The following ST13 variants were observed in gnomAD, a reference collection of about 807,000 sequenced individuals.
ST13 encodes ST13 Hsp70 interacting protein.
Under a neutral mutation model 56.7 loss-of-function variants are expected in ST13, and 23 were observed. That is an observed-to-expected ratio of 0.41 (90% CI 0.29 to 0.57). The LOEUF is 0.57. Ranked by LOEUF, ST13 falls within the 20% of genes least tolerant of loss-of-function variation. The probability of loss-of-function intolerance (pLI) is 0.36; values close to 1 mark genes in which losing one functional copy is unlikely to be tolerated. For synonymous variants in ST13, 132 were observed against 142.4 expected (o/e 0.93, Z 0.52); for missense variants, 369 against 459.9 (o/e 0.80, Z 1.81).
chr22:40,846,983 A>T (rs1037669746), intron 3 of ST13, among the ~76,000 whole-genome samples: 5 of 152,280 alleles, frequency 3.3e-5, no homozygotes, highest in Admixed American at 6.5e-5. Context: ...TGGCAGAGCG[A>T]AACTCAAGTC....
chr22:40,835,386 TTC>T, intron 7 of ST13, 172 bp downstream of exon 7: 10 of 481,646 alleles, frequency 2.1e-5, no homozygotes, highest in Non-Finnish European at 3.8e-6. Context: ...TCTTTTTTTT[TTC>T]TTTTACCTTT....
chr22:40,849,805 T>C (rs1033426310), intron 2 of ST13, among the ~76,000 whole-genome samples: 6 of 151,730 alleles, frequency 4.0e-5, no homozygotes, highest in South Asian at 4.1e-4. Flanking sequence ...TCCTTCTTAA[T>C]AGACATAACT....
chr22:40,843,100 G>A (rs1446413873), intron 4 of ST13, among the ~76,000 whole-genome samples: 1 of 152,156 alleles, frequency 6.6e-6, no homozygotes, highest in African/African-American at 2.4e-5. Context: ...AGCCTGGATG[G>A]AAGAGTGAGA....
chr22:40,854,681 T>C (rs1025515344), intron 1 of ST13: 1 of 152,232 alleles, frequency 6.6e-6, no homozygotes, highest in Admixed American at 6.5e-5. Flanking sequence ...ATCCACTTAA[T>C]GTAAAGTGGA....
chr22:40,829,472 A>AT (rs2057743935), intron 10 of ST13, among the ~76,000 whole-genome samples, 154 bp downstream of exon 10: 1 of 152,222 alleles, frequency 6.6e-6, no homozygotes, highest in Non-Finnish European at 1.5e-5. Flanking sequence ...TTTTATGCCT[A>AT]ATAATTCCAT....
At chr22:40,832,522 G>A (rs778785948) in intron 8 of ST13, 47 bp downstream of exon 8, 14 of 1,371,340 alleles carry the variant, frequency 1.0e-5, no homozygotes, top group Admixed American at 5.1e-5. Context: ...GCACTACAGC[G>A]ATGGAGTATT....
intron 1 of ST13, 80 bp downstream of exon 1, chr22:40,856,351 G>A (rs1397618490): frequency 1.5e-6 from 2 of 1,294,852 alleles, no homozygotes; most frequent in East Asian, 2.3e-5. Flanking sequence ...CTCGCCCGCC[G>A]GACCGAGCCA....
intron 8 of ST13, among the ~76,000 whole-genome samples, chr22:40,831,528 G>C (rs1007576437): frequency 6.6e-6 from 1 of 152,152 alleles, no homozygotes; most frequent in Admixed American, 6.6e-5. Context: ...TTTCCTCAGA[G>C]AATAAAATAC....
At chr22:40,848,919 T>C (rs2145748646) in intron 2 of ST13, among the ~76,000 whole-genome samples, 1 of 152,232 alleles carries the variant, frequency 6.6e-6, no homozygotes, top group South Asian at 2.1e-4. Flanking sequence ...ATTACAATAA[T>C]AAACAATGAA....
chr22:40,848,314 G>A lies in ST13; in HGVS notation c.224C>T (p.Ser75Leu). 6.2e-7 allele frequency: 1 copy of A among 1,613,306 alleles called. No individual in the cohort carries two copies. Among genetic ancestry groups the A allele is most frequent in the Non-Finnish European group, 8.5e-7 (1 of 1,179,444 alleles). The change falls in exon 3 of 12, where the codon TCA (serine) becomes TTA (leucine). Residue 75 changes from serine (S) to leucine (L), a missense_variant. Coordinates refer to ENST00000216218, the MANE Select transcript of ST13 (RefSeq NM_003932.5). ...CTCACCTAGATCACTTTCCTCACTT[G>A]ATGGTTCGTCTGCCTTTAAGTCTTC... Reference protein sequence around the residue: ...VEEDLKADEPSSEESDLEIDK... With the variant: ...VEEDLKADEPLSEESDLEIDK...
intron 1 of ST13, among the ~76,000 whole-genome samples, chr22:40,851,669 T>C (rs1012950502): frequency 5.3e-5 from 8 of 151,946 alleles, no homozygotes; most frequent in Non-Finnish European, 7.4e-5. Flanking sequence ...ATTATTAAAA[T>C]TTGCCTTAAA....
At position 40,840,988 on chromosome 22, in the gene ST13, C is replaced by A. The variant is rs572743210; in HGVS notation, c.316-296G>T. Among the ~76,000 whole-genome samples, 34 of 152,202 alleles carry A rather than the reference C, an allele frequency of 2.2e-4. No individual in the cohort carries two copies. The East Asian group carries it at 3.5e-3, about 16-fold the overall frequency. On this transcript the variant is annotated intron_variant, in intron 4 of 11. Transcript: ENST00000216218. ...TACCTAGCTATCCATAAATATTAAA[C>A]CCAATCTCCTCACAAAAAGATAACT...
intron 1 of ST13, among the ~76,000 whole-genome samples, 171 bp downstream of exon 1, chr22:40,856,260 G>C (rs137871659): frequency 3.9e-5 from 6 of 152,028 alleles, no homozygotes; most frequent in African/African-American, 1.2e-4. Context: ...CGCGGCTCCT[G>C]TACTACCCAA....
At chr22:40,843,319 TG>T (rs2057813710) in intron 4 of ST13, among the ~76,000 whole-genome samples, 1 of 152,154 alleles carries the variant, frequency 6.6e-6, no homozygotes, top group Non-Finnish European at 1.5e-5. Context: ...CGGGGAGACT[TG>T]ATCAACCTAT....
At chr22:40,851,848 C>A (rs1297130849) in intron 1 of ST13, among the ~76,000 whole-genome samples, 3 of 151,542 alleles carry the variant, frequency 2.0e-5, no homozygotes, top group African/African-American at 7.3e-5. Flanking sequence ...TGGGTTCAAG[C>A]GATTCTCCTG....
chr22:40,826,780 T>A (rs923858331), intron 11 of ST13, 114 bp from the exon 12 acceptor site: 18 of 1,297,094 alleles, frequency 1.4e-5, no homozygotes, highest in Admixed American at 4.1e-5. Context: ...TTAAGTTAAA[T>A]GGGGTTTAGA....
intron 3 of ST13, 85 bp downstream of exon 3, chr22:40,848,209 A>C: frequency 1.1e-6 from 1 of 904,114 alleles, no homozygotes; most frequent in Non-Finnish European, 1.8e-6. Context: ...TCTATTACAC[A>C]GTGCTGATTT....
chr22:40,846,939 G>A (rs1418304465), intron 3 of ST13, among the ~76,000 whole-genome samples: 1 of 152,028 alleles, frequency 6.6e-6, no homozygotes, highest in African/African-American at 2.4e-5. Flanking sequence ...AGGTTGCAGT[G>A]AGCCGAAACT....
chr22:40,827,318 T>C (rs1232627900), intron 10 of ST13, 89 bp from the exon 11 acceptor site: 7 of 1,378,608 alleles, frequency 5.1e-6, no homozygotes, highest in African/African-American at 1.4e-5. Flanking sequence ...TCAAAGAATA[T>C]GGGTGCCACT....
Sources: allele counts gnomAD v4.1 joint callset (sites outside exome capture counted in the v4.1 genomes callset), GRCh38; gene constraint gnomAD v4.1.1; transcripts MANE v1.5; gene names NCBI Gene and HGNC (gene_info 2026-07-23, HGNC 2026-07-21).